The following GPC5 variants were observed in gnomAD, a reference collection of about 807,000 sequenced individuals.
The protein encoded by GPC5 is glypican-5.
GPC5 carries 47 observed loss-of-function variants against 53.9 expected under a neutral mutation model. The ratio of observed to expected loss-of-function variants is 0.87; its 90% CI spans 0.69 to 1.11. GPC5 has a LOEUF of 1.11. Among genes scored for constraint, GPC5 ranks in the 50% most tolerant of loss-of-function variants. The pLI is 0.00. For synonymous variants in GPC5, 286 were observed against 263.3 expected, an observed-to-expected ratio of 1.09 and a Z score of -0.84; for missense variants, 748 against 713.1, an observed-to-expected ratio of 1.05 and a Z score of -0.56.
intron 7 of GPC5, among the ~76,000 whole-genome samples, chr13:92,225,515 G>A (rs2042478750): frequency 6.6e-6 from 1 of 152,148 alleles, no homozygotes; most frequent in African/African-American, 2.4e-5. Context: ...TGAAAATATA[G>A]CAGTTGAATT....
chr13:92,590,549 C>G (rs182620184), intron 7 of GPC5, among the ~76,000 whole-genome samples: 1 of 152,316 alleles, frequency 6.6e-6, no homozygotes, highest in East Asian at 1.9e-4. Flanking sequence ...GCTATCAGAG[C>G]TGAGTCATGA....
At chr13:91,882,277 T>C (rs2039272453) in intron 5 of GPC5, among the ~76,000 whole-genome samples, 1 of 152,072 alleles carries the variant, frequency 6.6e-6, no homozygotes, top group Non-Finnish European at 1.5e-5. Context: ...AAATTTTCAA[T>C]GGAAGCTTGA....
At chr13:92,193,950 G>T (rs1396451514) in intron 7 of GPC5, among the ~76,000 whole-genome samples, 1 of 152,142 alleles carries the variant, frequency 6.6e-6, no homozygotes, top group Admixed American at 6.5e-5. Context: ...AAGGGGAAGA[G>T]AAATAATATT....
At chr13:92,793,573 TA>T (rs999793790) in intron 7 of GPC5, among the ~76,000 whole-genome samples, 25 of 151,660 alleles carry the variant, frequency 1.6e-4, no homozygotes, top group African/African-American at 2.4e-4. Context: ...AAAAATCCCT[TA>T]AAAAAACAAT....
At chr13:91,599,797 G>A (rs528841802) in intron 2 of GPC5, among the ~76,000 whole-genome samples, 1 of 152,094 alleles carries the variant, frequency 6.6e-6, no homozygotes. Flanking sequence ...AATACACTGA[G>A]GCTCTCTAGC....
chr13:92,469,958 A>G (rs1036000426), intron 7 of GPC5, among the ~76,000 whole-genome samples: 25 of 152,164 alleles, frequency 1.6e-4, no homozygotes, highest in Admixed American at 1.5e-3. Context: ...TGAAAATGGT[A>G]TTAATAGTTA....
At chr13:91,931,959 A>C (rs1003163165) in intron 6 of GPC5, among the ~76,000 whole-genome samples, 7 of 152,004 alleles carry the variant, frequency 4.6e-5, no homozygotes, top group African/African-American at 1.7e-4. Context: ...CAGAAGCTTC[A>C]CATAACATGC....
chr13:91,645,033 A>G (rs943698440), intron 2 of GPC5, among the ~76,000 whole-genome samples: 1 of 152,222 alleles, frequency 6.6e-6, no homozygotes, highest in Non-Finnish European at 1.5e-5. Flanking sequence ...ATGTTGAAAT[A>G]TGGCTGAATG....
chr13:92,713,563 G>A (rs965872955), intron 7 of GPC5, among the ~76,000 whole-genome samples: 17 of 148,974 alleles, frequency 1.1e-4, no homozygotes, highest in Admixed American at 5.4e-4. Flanking sequence ...AGCTGAGATC[G>A]TGCCAATACA....
At chr13:91,402,119 C>G (rs1275208846) in intron 1 of GPC5, among the ~76,000 whole-genome samples, 2 of 152,022 alleles carry the variant, frequency 1.3e-5, no homozygotes, top group Non-Finnish European at 2.9e-5. Flanking sequence ...TGCAGTAGTT[C>G]CTCTTTTAGA....
At chr13:92,290,716 C>G (rs2042987770) in intron 7 of GPC5, among the ~76,000 whole-genome samples, 1 of 152,192 alleles carries the variant, frequency 6.6e-6, no homozygotes, top group African/African-American at 2.4e-5. Flanking sequence ...TGAGAGGTGA[C>G]AGCGTGCTGG....
intron 7 of GPC5, among the ~76,000 whole-genome samples, chr13:92,859,580 G>T (rs1879114508): frequency 6.6e-6 from 1 of 151,614 alleles, no homozygotes; most frequent in African/African-American, 2.4e-5. Context: ...TGAATCATTA[G>T]TAATAATTAT....
chr13:92,495,141 C>T (rs1302293393), intron 7 of GPC5, among the ~76,000 whole-genome samples: 3 of 152,140 alleles, frequency 2.0e-5, no homozygotes, highest in South Asian at 2.1e-4. Context: ...CCTCTCAGCA[C>T]GCTGAAAATA....
At chr13:91,600,431 G>A (rs962427584) in intron 2 of GPC5, among the ~76,000 whole-genome samples, 11 of 151,502 alleles carry the variant, frequency 7.3e-5, no homozygotes, top group East Asian at 3.9e-4. Flanking sequence ...GCAGTGAGCC[G>A]AGATTGTGCC....
intron 2 of GPC5, among the ~76,000 whole-genome samples, chr13:91,532,472 T>A (rs1005674278): frequency 1.3e-5 from 2 of 152,234 alleles, no homozygotes; most frequent in Non-Finnish European, 2.9e-5. Context: ...GATCTTGGTA[T>A]ATCCATTTAT....
At chr13:91,768,931 T>A (rs1298708457) in intron 5 of GPC5, among the ~76,000 whole-genome samples, 1 of 152,192 alleles carries the variant, frequency 6.6e-6, no homozygotes, top group Non-Finnish European at 1.5e-5. Flanking sequence ...ACATCACACC[T>A]GCAGTCAGAG....
intron 5 of GPC5, among the ~76,000 whole-genome samples, chr13:91,801,806 C>T (rs1361531281): frequency 6.6e-6 from 1 of 152,106 alleles, no homozygotes; most frequent in African/African-American, 2.4e-5. Context: ...TTAGTTGCAC[C>T]AGTATTTGAA....
chr13:91,464,903 T>C (rs1882144932), intron 2 of GPC5, among the ~76,000 whole-genome samples: 2 of 152,164 alleles, frequency 1.3e-5, no homozygotes, highest in African/African-American at 4.8e-5. Flanking sequence ...TACTGTACTA[T>C]AGTTATACAA....
chr13:92,456,977 GT>G (rs1435120767), intron 7 of GPC5, among the ~76,000 whole-genome samples: 1 of 151,954 alleles, frequency 6.6e-6, no homozygotes, highest in Non-Finnish European at 1.5e-5. Flanking sequence ...CCAATAGGTA[GT>G]TTTTCAGCCC....
Sources: gnomAD v4.1 joint callset for allele counts (sites outside exome capture counted in the v4.1 genomes callset) on GRCh38, gnomAD v4.1.1 for gene constraint, MANE v1.5 for transcripts, NCBI Gene and HGNC (gene_info 2026-07-23, HGNC 2026-07-21) for gene names.